VMP1: variants seen among roughly 807,000 people sequenced by gnomAD.
VMP1 encodes the protein ectopic P-granules autophagy protein 3 homolog.
In VMP1, 11 loss-of-function variants were observed where a neutral mutation model predicts 56.0. The observed-to-expected ratio is 0.20, with a 90% confidence interval of 0.12 to 0.32. The LOEUF is 0.32. Among genes scored for constraint, VMP1 ranks in the 10% least tolerant of loss-of-function variants. VMP1 has a pLI of 1.00. For synonymous variants in VMP1, 149 were observed against 165.0 expected (o/e 0.90, Z 0.74); for missense variants, 296 against 490.3 (o/e 0.60, Z 3.74).
chr17:59,795,856 A>G (rs2037421969), intron 7 of VMP1, among the ~76,000 whole-genome samples: 1 of 152,122 alleles, frequency 6.6e-6, no homozygotes, highest in South Asian at 2.1e-4. Context: ...TTCAATTTAA[A>G]CAATTTTGTC....
chr17:59,828,018 C>G (rs1164385852), intron 10 of VMP1, among the ~76,000 whole-genome samples: 1 of 148,096 alleles, frequency 6.8e-6, no homozygotes, highest in African/African-American at 2.5e-5. Flanking sequence ...AGAGACACAA[C>G]CTCTTTAAAA....
intron 8 of VMP1, 134 bp downstream of exon 8, chr17:59,809,010 T>TG: frequency 1.3e-6 from 1 of 742,564 alleles, no homozygotes; most frequent in East Asian, 2.9e-5. Context: ...CACCTTTTTT[T>TG]TTTTTTAAGA....
chr17:59,737,356 C>T (rs930132866), intron 3 of VMP1, 97 bp from the exon 4 acceptor site: 2 of 1,192,224 alleles, frequency 1.7e-6, no homozygotes, highest in African/African-American at 3.1e-5. Flanking sequence ...CCCAGCTGAG[C>T]TAGGTAACCT....
intron 2 of VMP1, among the ~76,000 whole-genome samples, chr17:59,734,182 A>C (rs1228121034): frequency 6.6e-6 from 1 of 152,124 alleles, no homozygotes; most frequent in East Asian, 1.9e-4. Context: ...CAAGGCAGGG[A>C]GTTGGTTTTG....
chr17:59,725,602 A>G (rs565816882), intron 1 of VMP1, among the ~76,000 whole-genome samples: 4 of 151,560 alleles, frequency 2.6e-5, no homozygotes, highest in African/African-American at 9.7e-5. Flanking sequence ...AACTGTTTAG[A>G]ACCTCAGTGG....
At chr17:59,774,544 G>C (rs554669644) in intron 7 of VMP1, among the ~76,000 whole-genome samples, 34 of 152,286 alleles carry the variant, frequency 2.2e-4, no homozygotes, top group Middle Eastern at 6.8e-3. Flanking sequence ...ATGTTTGCTA[G>C]GGAAATACAT....
chr17:59,802,793 C>G (rs1237907823), intron 7 of VMP1, among the ~76,000 whole-genome samples: 2 of 152,226 alleles, frequency 1.3e-5, no homozygotes, highest in South Asian at 2.1e-4. Context: ...GTTGCCCAGG[C>G]TGGAGTGCAA....
chr17:59,716,513 C>T (rs747005564), intron 1 of VMP1, among the ~76,000 whole-genome samples: 1 of 152,094 alleles, frequency 6.6e-6, no homozygotes, highest in Non-Finnish European at 1.5e-5. Context: ...AATCCTCTCA[C>T]TGGACTGTTT....
intron 7 of VMP1, among the ~76,000 whole-genome samples, chr17:59,804,690 CTA>C (rs1293559614): frequency 6.8e-6 from 1 of 146,442 alleles, no homozygotes; most frequent in East Asian, 2.0e-4. Flanking sequence ...TTTATCAAAT[CTA>C]AACATTAAAC....
chr17:59,825,510 C>A (rs2038619325), intron 10 of VMP1, among the ~76,000 whole-genome samples: 2 of 152,050 alleles, frequency 1.3e-5, no homozygotes, highest in African/African-American at 4.8e-5. Flanking sequence ...TGACATGTTC[C>A]CATATTCTCA....
chr17:59,830,144 C>T (rs1190946436), intron 10 of VMP1, among the ~76,000 whole-genome samples: 1 of 152,156 alleles, frequency 6.6e-6, no homozygotes, highest in African/African-American at 2.4e-5. Context: ...CAGGGGCTAG[C>T]TCTGTTGCCC....
At chr17:59,778,801 A>G (rs2036720842) in intron 7 of VMP1, among the ~76,000 whole-genome samples, 1 of 152,172 alleles carries the variant, frequency 6.6e-6, no homozygotes, top group Admixed American at 6.5e-5. Flanking sequence ...ATGATTGTTC[A>G]CCTTTACAAT....
chr17:59,814,427 G>A (rs1399438626), intron 9 of VMP1, among the ~76,000 whole-genome samples: 2 of 152,192 alleles, frequency 1.3e-5, no homozygotes, highest in African/African-American at 4.8e-5. Flanking sequence ...AAGAGAGTAA[G>A]TAACAGCTGG....
intron 7 of VMP1, among the ~76,000 whole-genome samples, chr17:59,803,739 T>C (rs1165844045): frequency 6.6e-6 from 1 of 152,182 alleles, no homozygotes; most frequent in Non-Finnish European, 1.5e-5. Context: ...CCCACAATAC[T>C]CCAAAACTAT....
chr17:59,800,825 T>C (rs2144169167), intron 7 of VMP1, among the ~76,000 whole-genome samples: 1 of 152,232 alleles, frequency 6.6e-6, no homozygotes. Flanking sequence ...CTCATGCCTG[T>C]AGTCCCAGCA....
intron 7 of VMP1, among the ~76,000 whole-genome samples, chr17:59,791,253 A>G (rs2037216836): frequency 6.6e-6 from 1 of 150,600 alleles, no homozygotes; most frequent in South Asian, 2.1e-4. Context: ...CAATGGCACA[A>G]TCTCGGCTGA....
chr17:59,743,164 T>C (rs75110717), intron 5 of VMP1, among the ~76,000 whole-genome samples: 1 of 152,222 alleles, frequency 6.6e-6, no homozygotes, highest in African/African-American at 2.4e-5. Context: ...TCTATGGGTT[T>C]TGACAAATGC....
At position 59,735,436 on chromosome 17, in the gene VMP1, C is replaced by A; in HGVS notation, c.175C>A (p.Leu59Met). Residue 59 changes from leucine to methionine, a missense_variant, in exon 3 of 12, where the codon CTG becomes ATG. By Grantham distance (15) the Leu-to-Met change is conservative. Transcript: ENST00000262291. ...QPLITLQYFS[L>M]EILVILKEWT... is the part of the protein sequence containing the mutation. Reference sequence around the variant, plus strand: ...GCTCATTACCTTGCAGTATTTTTCTCTGGAAATCCTTGTAATCTTGAAGGA... The same window carrying A: ...GCTCATTACCTTGCAGTATTTTTCTATGGAAATCCTTGTAATCTTGAAGGA... 6.2e-7 allele frequency: 1 copy of A among 1,614,120 alleles called. No homozygotes were observed. Among genetic ancestry groups the A allele is most frequent in the Admixed American group, 1.7e-5 (1 of 60,002 alleles).
intron 5 of VMP1, among the ~76,000 whole-genome samples, chr17:59,752,242 C>CG (rs1273838074): frequency 6.6e-6 from 1 of 152,182 alleles, no homozygotes; most frequent in Non-Finnish European, 1.5e-5. Flanking sequence ...TGAGTGAATG[C>CG]GGCCGTTTTC....
Sources: gnomAD v4.1 joint callset for allele counts (sites outside exome capture counted in the v4.1 genomes callset) on GRCh38, gnomAD v4.1.1 for gene constraint, MANE v1.5 for transcripts, NCBI Gene and HGNC (gene_info 2026-07-23, HGNC 2026-07-21) for gene names.